ANKRD13C: variants seen among roughly 807,000 people sequenced by gnomAD.
The protein encoded by ANKRD13C is ankyrin repeat domain 13C, also known as ankyrin repeat domain-containing protein 13C.
A neutral mutation model predicts 65.5 loss-of-function variants in ANKRD13C; 16 were observed. The observed-to-expected ratio is 0.24, with a 90% CI of 0.17 to 0.37. ANKRD13C has a LOEUF of 0.37. Among genes scored for constraint, ANKRD13C ranks in the 10% least tolerant of loss-of-function variants. The pLI, the probability that ANKRD13C is intolerant of heterozygous loss-of-function variation, is 1.00. For synonymous variants in ANKRD13C, 235 were observed against 238.7 expected (o/e 0.98, Z 0.14); for missense variants, 503 against 655.9 (o/e 0.77, Z 2.55).
At position 70,261,568 on chromosome 1, in the gene ANKRD13C, C is replaced by T. The variant is rs761390781; in HGVS notation, c.*1149G>A. 6.6e-6 allele frequency: 1 copy of T among 151,976 alleles called. No individual in the cohort carries two copies. Among genetic ancestry groups the T allele is most frequent in the African/African-American group, 2.4e-5 (1 of 41,352 alleles). 9.4% of individuals were successfully genotyped at this position (151,976 alleles called of 1,614,324 possible). A position where few individuals can be genotyped will look rare whatever the true frequency, so the allele number is the denominator to read the frequency against. ...ATTTTAAGTGCAAAAATGAGTAATA[C>T]ATGATTTTATCACTTTGGAGACAAT... On this transcript the variant is annotated 3_prime_UTR_variant, in exon 13 of 13. Transcript: ENST00000370944.
chr1:70,354,449 C>A lies in ANKRD13C; in HGVS notation c.-41G>T. 6.3e-7 allele frequency: 1 copy of A among 1,575,490 alleles called. No individual in the cohort carries two copies. Among genetic ancestry groups the A allele is most frequent in the Non-Finnish European group, 8.6e-7 (1 of 1,161,848 alleles). On this transcript the variant is annotated 5_prime_UTR_variant, in exon 1 of 13. Coordinates refer to ENST00000370944, the MANE Select transcript of ANKRD13C (RefSeq NM_030816.5). ...CAAGGGGGGGAATCGGGAGGCTCAC[C>A]GCTGGCGACGGAGCTGGCGCTGCGG... is the stretch of plus-strand genomic sequence containing the variant.
intron 3 of ANKRD13C, among the ~76,000 whole-genome samples, chr1:70,317,540 T>A (rs1440312923): frequency 6.6e-6 from 1 of 152,138 alleles, no homozygotes; most frequent in Non-Finnish European, 1.5e-5. Context: ...GATGAAAAAG[T>A]TAGATTCCCT....
intron 9 of ANKRD13C, among the ~76,000 whole-genome samples, chr1:70,277,240 G>A (rs1372138709): frequency 4.6e-5 from 7 of 152,000 alleles, no homozygotes; most frequent in Admixed American, 2.6e-4. Context: ...GGTGGATCAC[G>A]AGGTCAGGAG....
chr1:70,326,707 C>T (rs546054857), intron 2 of ANKRD13C, among the ~76,000 whole-genome samples: 113 of 152,124 alleles, frequency 7.4e-4, no homozygotes, highest in African/African-American at 2.7e-3. Flanking sequence ...TGAATGTCCA[C>T]AGTAGGGCAA....
In ANKRD13C at chr1:70,354,616, G is replaced by T; in HGVS notation, c.-208C>A. 1 of 1,252,092 alleles carries T rather than the reference G, an allele frequency of 8.0e-7. No individual in the cohort carries two copies. Among genetic ancestry groups the T allele is most frequent in the South Asian group, 1.6e-5 (1 of 62,700 alleles). 77.6% of individuals were successfully genotyped at this position (1,252,092 alleles called of 1,614,324 possible). On this transcript the variant is annotated 5_prime_UTR_variant, in exon 1 of 13. Transcript: ENST00000370944. Reference sequence around the variant, plus strand: ...ACGAAGGGACGCGCGCTCGCTGGGGGAAGCTAGAACTCAGGTGCCCACGAC... The same window carrying T: ...ACGAAGGGACGCGCGCTCGCTGGGGTAAGCTAGAACTCAGGTGCCCACGAC...
chr1:70,301,059 T>A, intron 6 of ANKRD13C, 151 bp from the exon 7 acceptor site: 1 of 684,142 alleles, frequency 1.5e-6, no homozygotes, highest in Non-Finnish European at 2.2e-6. Context: ...AATTTATAGA[T>A]AAAAACTAAA....
At chr1:70,273,915 C>T (rs1434228219) in intron 11 of ANKRD13C, among the ~76,000 whole-genome samples, 2 of 151,754 alleles carry the variant, frequency 1.3e-5, no homozygotes, top group South Asian at 2.1e-4. Flanking sequence ...CTTGGCCTCC[C>T]AAAGTACTGG....
At chr1:70,350,358 A>G (rs958038789) in intron 1 of ANKRD13C, among the ~76,000 whole-genome samples, 2 of 152,248 alleles carry the variant, frequency 1.3e-5, no homozygotes, top group Non-Finnish European at 2.9e-5. Flanking sequence ...TAACACACAT[A>G]TAGTATTCAC....
chr1:70,318,476 A>C (rs183403573), intron 3 of ANKRD13C, among the ~76,000 whole-genome samples: 2 of 152,252 alleles, frequency 1.3e-5, no homozygotes, highest in Admixed American at 1.3e-4. Context: ...CCACCTGGAC[A>C]ATTCTACCTG....
At chr1:70,273,902 C>T (rs1290055368) in intron 11 of ANKRD13C, among the ~76,000 whole-genome samples, 2 of 151,882 alleles carry the variant, frequency 1.3e-5, no homozygotes, top group African/African-American at 4.8e-5. Context: ...ATGATCCGCC[C>T]ACCTTGGCCT....
chr1:70,274,559 G>A (rs1014054219), intron 11 of ANKRD13C, among the ~76,000 whole-genome samples, 161 bp downstream of exon 11: 9 of 150,630 alleles, frequency 6.0e-5, no homozygotes, highest in Admixed American at 5.3e-4. Context: ...ATACTTTTGC[G>A]AACCAGAAAA....
At chr1:70,321,089 TAC>T (rs1362078750) in intron 3 of ANKRD13C, among the ~76,000 whole-genome samples, 1 of 152,218 alleles carries the variant, frequency 6.6e-6, no homozygotes, top group Non-Finnish European at 1.5e-5. Context: ...TGATTCTTGA[TAC>T]ACAGTCTCGA....
rs1558281077 is a variant in ANKRD13C, at chr1:70,297,289, T to TTTTTTTTG, written c.922-1029_922-1028insCAAAAAAA. Among the ~76,000 whole-genome samples, 6 of 128,898 alleles carry TTTTTTTTG rather than the reference T, an allele frequency of 4.7e-5. 1 individual carries two copies. Among genetic ancestry groups the TTTTTTTTG allele is most frequent in the South Asian group, 5.3e-4 (2 of 3,740 alleles). 84.6% of individuals were successfully genotyped at this position (128,898 alleles called of 152,430 possible). On this transcript the variant is annotated intron_variant, in intron 7 of 12. Coordinates refer to ENST00000370944, the MANE Select transcript of ANKRD13C (RefSeq NM_030816.5). Reference sequence around the variant, plus strand: ...AACCTACATAGAGTCCCTTTCTGATTTTTTTTTTTTTTTTTTTTTTTTGAG... The same window carrying TTTTTTTTG: ...AACCTACATAGAGTCCCTTTCTGATTTTTTTTTGTTTTTTTTTTTTTTTTTTTTTTGAG...
At chr1:70,353,173 T>G (rs1183500881) in intron 1 of ANKRD13C, among the ~76,000 whole-genome samples, 3 of 152,300 alleles carry the variant, frequency 2.0e-5, no homozygotes, top group Admixed American at 2.0e-4. Flanking sequence ...AATAATAAAT[T>G]TACTGTTGCT....
intron 1 of ANKRD13C, 90 bp downstream of exon 1, chr1:70,353,889 G>C (rs1483770525): frequency 1.6e-5 from 22 of 1,413,102 alleles, no homozygotes; most frequent in Admixed American, 3.0e-5. Context: ...AGAAGAGTCT[G>C]CTGGAGGGGG....
In ANKRD13C at chr1:70,315,547, C is replaced by T; in HGVS notation, c.597G>A (p.Lys199=). The T allele has an allele frequency of 6.2e-7, 1 of 1,608,118 alleles. No homozygotes were observed. Among genetic ancestry groups the T allele is most frequent in the African/African-American group, 1.3e-5 (1 of 74,910 alleles). The part of the protein sequence containing the change: ...DRQMITALLR[K]LKQQSRESVE... Reference sequence around the variant, plus strand: ...CACTTTCCCTGGATTGCTGCTTAAGCTTCCTCAAAAGAGCTGTAACTAAAG... The same window carrying T: ...CACTTTCCCTGGATTGCTGCTTAAGTTTCCTCAAAAGAGCTGTAACTAAAG... Residue 199 remains lysine, a synonymous_variant, in exon 4 of 13, where the codon AAG becomes AAA. Transcript: ENST00000370944.
chr1:70,261,527 G>A lies in ANKRD13C; in HGVS notation c.*1190C>T, dbSNP rs1197998194. The A allele has an allele frequency of 6.6e-6, 1 of 151,468 alleles. No individual in the cohort carries two copies. The highest frequency in any genetic ancestry group is 1.9e-4 in the East Asian group (1 of 5,176). 9.4% of individuals were successfully genotyped at this position (151,468 alleles called of 1,614,324 possible). A position where few individuals can be genotyped will look rare whatever the true frequency, so the allele number is the denominator to read the frequency against. Reference sequence around the variant, plus strand: ...CATACTTGGACCTTCAAACCACCTTGGAATAAATAAGAAAAATTTTAAGTG... The same window carrying A: ...CATACTTGGACCTTCAAACCACCTTAGAATAAATAAGAAAAATTTTAAGTG... On this transcript the variant is annotated 3_prime_UTR_variant, in exon 13 of 13. Coordinates refer to ENST00000370944, the MANE Select transcript of ANKRD13C (RefSeq NM_030816.5).
At chr1:70,283,743 G>A (rs907864455) in intron 9 of ANKRD13C, among the ~76,000 whole-genome samples, 39 of 152,036 alleles carry the variant, frequency 2.6e-4, no homozygotes, top group African/African-American at 9.4e-4. Flanking sequence ...GGGAGACGGA[G>A]GTTGCAGTGA....
At chr1:70,345,302 G>A (rs1682478122) in intron 1 of ANKRD13C, among the ~76,000 whole-genome samples, 1 of 151,960 alleles carries the variant, frequency 6.6e-6, no homozygotes, top group Non-Finnish European at 1.5e-5. Flanking sequence ...GGTGGTACAT[G>A]CCTGAAATCC....
Sources: allele counts gnomAD v4.1 joint callset (sites outside exome capture counted in the v4.1 genomes callset), GRCh38; gene constraint gnomAD v4.1.1; transcripts MANE v1.5; gene names NCBI Gene and HGNC (gene_info 2026-07-23, HGNC 2026-07-21).